The following TNR variants were observed in gnomAD, a reference collection of about 807,000 sequenced individuals.
TNR encodes the protein tenascin R, also known as tenascin-R.
Under a neutral mutation model 150.4 loss-of-function variants are expected in TNR, and 45 were observed. The observed-to-expected ratio is 0.30, with a 90% CI of 0.24 to 0.38. The LOEUF (loss-of-function observed/expected upper bound fraction) is 0.38, where lower values mean the gene tolerates loss of function less well. Among genes scored for constraint, TNR ranks in the 10% least tolerant of loss-of-function variants. TNR has a pLI of 1.00. For missense variants in TNR, 1,544 were observed against 1,759.1 expected, an observed-to-expected ratio of 0.88 and a Z score of 2.19; for synonymous variants, 687 against 678.4, an observed-to-expected ratio of 1.01 and a Z score of -0.20.
At chr1:175,579,854 C>A (rs999295241) in intron 1 of TNR, among the ~76,000 whole-genome samples, 1 of 152,106 alleles carries the variant, frequency 6.6e-6, no homozygotes, top group Non-Finnish European at 1.5e-5. Flanking sequence ...TGCCTTTTAT[C>A]CTTCCATTGC....
At chr1:175,578,565 A>AGAGAGAT (rs796647131) in intron 1 of TNR, among the ~76,000 whole-genome samples, 153 of 152,228 alleles carry the variant, frequency 1.0e-3, no homozygotes, top group African/African-American at 3.5e-3. Flanking sequence ...AACAGTGGGG[A>AGAGAGAT]GAGAGATGAA....
intron 21 of TNR, among the ~76,000 whole-genome samples, chr1:175,327,212 A>C (rs1270391779): frequency 6.6e-6 from 1 of 151,992 alleles, no homozygotes; most frequent in Non-Finnish European, 1.5e-5. Context: ...GCTGCCTTCC[A>C]CTGTCGCAGA....
chr1:175,355,281 G>A (rs1471721050), intron 17 of TNR, among the ~76,000 whole-genome samples: 1 of 152,188 alleles, frequency 6.6e-6, no homozygotes, highest in Admixed American at 6.5e-5. Context: ...CTTACGTAGA[G>A]AGTAGCAGTA....
chr1:175,395,132 C>T (rs943034043), intron 5 of TNR, among the ~76,000 whole-genome samples: 5 of 151,996 alleles, frequency 3.3e-5, no homozygotes, highest in African/African-American at 9.7e-5. Flanking sequence ...CTTCTCATAG[C>T]GGAGTCCAAA....
intron 1 of TNR, among the ~76,000 whole-genome samples, chr1:175,656,392 G>A (rs1009248789): frequency 4.6e-5 from 7 of 152,146 alleles, no homozygotes; most frequent in African/African-American, 7.2e-5. Flanking sequence ...CCTACTGACC[G>A]GACCTGGGTC....
At chr1:175,429,785 T>C (rs916372737) in intron 2 of TNR, among the ~76,000 whole-genome samples, 3 of 152,186 alleles carry the variant, frequency 2.0e-5, no homozygotes, top group Non-Finnish European at 4.4e-5. Context: ...AGATGTTTTC[T>C]CTGGAAGAAT....
intron 1 of TNR, among the ~76,000 whole-genome samples, chr1:175,569,998 A>C (rs1041380129): frequency 6.6e-6 from 1 of 152,234 alleles, no homozygotes; most frequent in African/African-American, 2.4e-5. Flanking sequence ...CTGGCGGCCA[A>C]GACCTTATGC....
chr1:175,412,771 A>G (rs1408921009), intron 2 of TNR, among the ~76,000 whole-genome samples: 1 of 152,168 alleles, frequency 6.6e-6, no homozygotes, highest in Non-Finnish European at 1.5e-5. Context: ...AGATAGAATG[A>G]ATGGCATGAG....
chr1:175,526,747 C>T (rs991644249), intron 2 of TNR, among the ~76,000 whole-genome samples: 1 of 152,232 alleles, frequency 6.6e-6, no homozygotes, highest in East Asian at 1.9e-4. Flanking sequence ...CAAGGCAGTT[C>T]AGGCCAGCCT....
chr1:175,355,747 C>A, intron 16 of TNR, 114 bp from the exon 17 acceptor site: 3 of 1,434,526 alleles, frequency 2.1e-6, no homozygotes, highest in Non-Finnish European at 2.8e-6. Flanking sequence ...TGCTCACATG[C>A]TGACCCCTGC....
At chr1:175,670,652 G>A (rs970918732) in intron 1 of TNR, among the ~76,000 whole-genome samples, 1 of 152,116 alleles carries the variant, frequency 6.6e-6, no homozygotes, top group Non-Finnish European at 1.5e-5. Context: ...ACCTCAGAGG[G>A]GAGGGGTTCT....
intron 1 of TNR, among the ~76,000 whole-genome samples, chr1:175,665,066 A>C (rs1196054034): frequency 6.6e-6 from 1 of 152,236 alleles, no homozygotes; most frequent in Non-Finnish European, 1.5e-5. Flanking sequence ...CATGAGCAGT[A>C]ATGCTGACAG....
intron 2 of TNR, among the ~76,000 whole-genome samples, chr1:175,429,513 G>T (rs1182162505): frequency 6.6e-6 from 1 of 152,160 alleles, no homozygotes; most frequent in African/African-American, 2.4e-5. Flanking sequence ...AAATCACTTA[G>T]AACAGAACCT....
chr1:175,391,906 G>A (rs1340237769), intron 6 of TNR, among the ~76,000 whole-genome samples: 2 of 152,220 alleles, frequency 1.3e-5, no homozygotes, highest in Non-Finnish European at 2.9e-5. Flanking sequence ...TTCAAACTAA[G>A]ACATTGCTAT....
intron 2 of TNR, among the ~76,000 whole-genome samples, chr1:175,416,342 C>T (rs1476406418): frequency 6.6e-6 from 1 of 152,140 alleles, no homozygotes; most frequent in African/African-American, 2.4e-5. Flanking sequence ...GCTCTCAGTT[C>T]AGTAGTAGAC....
chr1:175,723,543 A>G (rs1667397452), intron 1 of TNR, among the ~76,000 whole-genome samples: 1 of 152,232 alleles, frequency 6.6e-6, no homozygotes, highest in African/African-American at 2.4e-5. Flanking sequence ...TCTTATATAT[A>G]TGGTTAGAAT....
In TNR at chr1:175,428,202, C is replaced by G. The variant is rs903130594; in HGVS notation, c.-63-21425G>C. Among the ~76,000 whole-genome samples the G allele has an allele frequency of 6.3e-4, 96 of 152,142 alleles. 1 individual carries two copies. The highest frequency in any genetic ancestry group is 1.3e-4 in the Non-Finnish European group (9 of 68,026). ...GCATCTAAGGGAATTTTTAGGGAAG[C>G]TTTTCATCAGATCTAGAAGATAATT... On this transcript the variant is annotated intron_variant, in intron 2 of 22. Coordinates refer to ENST00000367674, the MANE Select transcript of TNR (RefSeq NM_003285.3).
chr1:175,544,510 T>C lies in TNR; in HGVS notation c.-164-16141A>G, dbSNP rs191272742. Among the ~76,000 whole-genome samples the C allele has an allele frequency of 9.4e-4, 143 of 152,230 alleles. 1 individual carries two copies. Among genetic ancestry groups the C allele is most frequent in the Non-Finnish European group, 2.9e-4 (20 of 68,000 alleles). On this transcript the variant is annotated intron_variant, in intron 1 of 22. Transcript: ENST00000367674. ...ATAAGGGAATAGGAAGATAAGAAAA[T>C]GAGTTGAATTTTGGACATATTAAAT...
chr1:175,428,182 TA>T (rs760618005), intron 2 of TNR, among the ~76,000 whole-genome samples: 135 of 152,330 alleles, frequency 8.9e-4, no homozygotes, highest in Non-Finnish European at 1.6e-3. Flanking sequence ...CCTTGGCATC[TA>T]AGGGAATTTT....
Sources: allele counts gnomAD v4.1 joint callset (sites outside exome capture counted in the v4.1 genomes callset), GRCh38; gene constraint gnomAD v4.1.1; transcripts MANE v1.5; gene names NCBI Gene and HGNC (gene_info 2026-07-23, HGNC 2026-07-21).